Variants in MYCBP2 observed in about 807,000 individuals in gnomAD.
MYCBP2 encodes the protein MYC binding protein 2.
Under a neutral mutation model 525.3 loss-of-function variants are expected in MYCBP2, and 120 were observed. The observed-to-expected ratio is 0.23, with a 90% CI of 0.20 to 0.27. The LOEUF (loss-of-function observed/expected upper bound fraction) is 0.27, where lower values mean the gene tolerates loss of function less well. Among genes scored for constraint, MYCBP2 ranks in the 10% least tolerant of loss-of-function variants. The pLI, the probability that MYCBP2 is intolerant of heterozygous loss-of-function variation, is 1.00. For missense variants in MYCBP2, 4,149 were observed against 5,657.1 expected, an observed-to-expected ratio of 0.73 and a Z score of 8.55; for synonymous variants, 1,894 against 1,955.8, an observed-to-expected ratio of 0.97 and a Z score of 0.83.
intron 15 of MYCBP2, among the ~76,000 whole-genome samples, chr13:77,246,614 AAAG>A (rs760121263): frequency 2.7e-5 from 4 of 150,448 alleles, no homozygotes; most frequent in Non-Finnish European, 5.9e-5. Context: ...GGAGGAGAAG[AAAG>A]AAGAAGGAGA....
chr13:77,188,117 T>G (rs1159127266), intron 30 of MYCBP2, among the ~76,000 whole-genome samples: 3 of 144,336 alleles, frequency 2.1e-5, no homozygotes, highest in Non-Finnish European at 3.0e-5. Context: ...CACACCAAAA[T>G]GTAAATAGTA....
At chr13:77,089,209 C>G (rs1000638441) in intron 60 of MYCBP2, among the ~76,000 whole-genome samples, 178 bp from the exon 61 acceptor site, 1 of 152,046 alleles carries the variant, frequency 6.6e-6, no homozygotes, top group Admixed American at 6.6e-5. Flanking sequence ...ATATGTTACT[C>G]TCTGAAAGTC....
chr13:77,160,313 C>A (rs540888655), intron 44 of MYCBP2, among the ~76,000 whole-genome samples: 1 of 152,086 alleles, frequency 6.6e-6, no homozygotes, highest in Non-Finnish European at 1.5e-5. Flanking sequence ...TGATCGTGGG[C>A]GAACTGCCTA....
At position 77,181,751 on chromosome 13, in the gene MYCBP2, G is replaced by A; in HGVS notation, c.4891C>T (p.Leu1631=). ...KQVSTENDST[L]VHRFPLLVAH... ...ACCAAAAGGGGAAAACGATGAACTA[G>A]TGTTGAGTCGTTCTCTGTACTAACT... Residue 1631 remains leucine, a synonymous_variant, in exon 33 of 83, where the codon CTA becomes TTA. Coordinates refer to ENST00000544440, the MANE Select transcript of MYCBP2 (RefSeq NM_015057.5). 6.2e-7 allele frequency: 1 copy of A among 1,614,114 alleles called. No individual in the cohort carries two copies. The highest frequency in any genetic ancestry group is 8.5e-7 in the Non-Finnish European group (1 of 1,179,992).
At position 77,188,850 on chromosome 13, in the gene MYCBP2, A is replaced by T. The variant is rs574237005; in HGVS notation, c.4251+101T>A. 5 of 677,800 alleles carry T rather than the reference A, an allele frequency of 7.4e-6. No individual in the cohort carries two copies. In the Admixed American group the frequency reaches 1.3e-4, roughly 18 times the overall value. The allele number at this position is 677,800 out of a possible 1,614,324, so 42.0% of individuals were successfully genotyped here. A position where few individuals can be genotyped will look rare whatever the true frequency, so the allele number is the denominator to read the frequency against. On this transcript the variant is annotated intron_variant, in intron 30 of 82. Transcript: ENST00000544440. ...TACAAAACCAAATCTGAGTTTATAA[A>T]TCTAGGCTAAGATAAACTTACAAGA...
chr13:77,283,330 C>G (rs183047146), intron 3 of MYCBP2, among the ~76,000 whole-genome samples: 129 of 152,208 alleles, frequency 8.5e-4, no homozygotes, highest in Admixed American at 1.1e-3. Context: ...CTAACGTGTT[C>G]CACTATATCT....
intron 19 of MYCBP2, 24 bp from the exon 20 acceptor site, chr13:77,224,556 A>G: frequency 7.0e-7 from 1 of 1,422,042 alleles, no homozygotes; most frequent in Non-Finnish European, 9.9e-7. Context: ...ACACAGCTTT[A>G]TTTTTTCATT....
At chr13:77,104,021 T>G (rs1343085444) in intron 55 of MYCBP2, among the ~76,000 whole-genome samples, 1 of 152,064 alleles carries the variant, frequency 6.6e-6, no homozygotes, top group Admixed American at 6.6e-5. Flanking sequence ...TAATTTATCT[T>G]TTTTTGAAGA....
At chr13:77,238,861 T>C (rs1288868888) in intron 17 of MYCBP2, among the ~76,000 whole-genome samples, 1 of 152,226 alleles carries the variant, frequency 6.6e-6, no homozygotes, top group Non-Finnish European at 1.5e-5. Flanking sequence ...CCGAGCGCAG[T>C]GGCTCACACC....
intron 30 of MYCBP2, among the ~76,000 whole-genome samples, chr13:77,187,283 T>C (rs1177760950): frequency 6.6e-6 from 1 of 152,140 alleles, no homozygotes; most frequent in Non-Finnish European, 1.5e-5. Context: ...AATCAAAAGA[T>C]ACCAAACTCA....
intron 14 of MYCBP2, 77 bp downstream of exon 14, chr13:77,257,594 A>C (rs745484913): frequency 3.7e-6 from 5 of 1,369,482 alleles, no homozygotes; most frequent in Non-Finnish European, 4.8e-6. Flanking sequence ...GAAAAGAACA[A>C]GACTTTTCAC....
rs751302974 is a variant in MYCBP2, at chr13:77,140,153, A to G, written c.7412T>C (p.Phe2471Ser). The G allele has an allele frequency of 5.0e-6, 8 of 1,598,588 alleles. No homozygotes were observed. The highest frequency in any genetic ancestry group is 3.4e-5 in the South Asian group (3 of 87,498). Residue 2471 changes from phenylalanine (F) to serine (S), a missense_variant, in exon 51 of 83, where the codon TTT becomes TCT. This residue lies in a region of MYCBP2 where 692 missense variants were observed against 852.7 expected (regional missense o/e 0.81). Coordinates refer to ENST00000544440, the MANE Select transcript of MYCBP2 (RefSeq NM_015057.5). ...AAGCCCCGCACTGTCCTTGGCCACAAATTTTCGAACCTGAGAAAGGCAAAG... is the reference window on the plus strand; with the variant it reads ...AAGCCCCGCACTGTCCTTGGCCACAGATTTTCGAACCTGAGAAAGGCAAAG... ...SEPQPNKVRK[F>S]VAKDSAGLRI...
At chr13:77,289,838 A>G (rs1215815013) in intron 2 of MYCBP2, among the ~76,000 whole-genome samples, 1 of 152,208 alleles carries the variant, frequency 6.6e-6, no homozygotes, top group African/African-American at 2.4e-5. Context: ...ATTTAACAAA[A>G]TCACAGGATA....
At position 77,270,448 on chromosome 13, in the gene MYCBP2, T is replaced by C; in HGVS notation, c.1036A>G (p.Lys346Glu). Residue 346 changes from lysine to glutamate, a missense_variant, in exon 6 of 83, where the codon AAG becomes GAG. Around this residue, in one of 21 missense-constraint regions of MYCBP2, gnomAD observed 413 missense variants for 451.2 expected, o/e 0.92. Transcript: ENST00000544440. The stretch of plus-strand genomic sequence containing the variant: ...CACTTGTGCATTAAAGCTGCTTTCT[T>C]AATGCCATTACTAAACCAGTCCTGA... The part of the protein sequence containing the change: ...QIQDWFSNGI[K>E]KAALMHKWPL... The C allele has an allele frequency of 1.9e-6, 3 of 1,613,808 alleles. No individual in the cohort carries two copies. Among genetic ancestry groups the C allele is most frequent in the Non-Finnish European group, 2.5e-6 (3 of 1,179,840 alleles).
At chr13:77,293,280 G>A (rs2077691196) in intron 2 of MYCBP2, among the ~76,000 whole-genome samples, 1 of 152,132 alleles carries the variant, frequency 6.6e-6, no homozygotes, top group Non-Finnish European at 1.5e-5. Context: ...CAGAAGAAAA[G>A]AGAACTATTT....
chr13:77,102,395 GTAAT>G (rs2047204857), intron 55 of MYCBP2, among the ~76,000 whole-genome samples: 1 of 151,436 alleles, frequency 6.6e-6, no homozygotes, highest in Admixed American at 6.6e-5. Context: ...AAGAAAATCA[GTAAT>G]TAGTTGAAAA....
At chr13:77,154,848 G>T (rs1329632639) in intron 46 of MYCBP2, among the ~76,000 whole-genome samples, 1 of 151,688 alleles carries the variant, frequency 6.6e-6, no homozygotes, top group Non-Finnish European at 1.5e-5. Flanking sequence ...GATGCTTTTT[G>T]CATTGTATAG....
chr13:77,257,052 T>TA (rs1224104581), intron 14 of MYCBP2, among the ~76,000 whole-genome samples: 1 of 152,002 alleles, frequency 6.6e-6, no homozygotes, highest in Non-Finnish European at 1.5e-5. Context: ...TATTTAACCA[T>TA]AAAAAACACT....
chr13:77,082,855 TTAAC>T (rs2066543688), intron 63 of MYCBP2, among the ~76,000 whole-genome samples, 173 bp downstream of exon 63: 1 of 152,082 alleles, frequency 6.6e-6, no homozygotes, highest in South Asian at 2.1e-4. Flanking sequence ...CAAACAAATG[TTAAC>T]TAAGAGGAAG....
Sources: gnomAD v4.1 joint callset for allele counts (sites outside exome capture counted in the v4.1 genomes callset) on GRCh38, gnomAD v4.1.1 for gene constraint, gnomAD v4.1.1 regional missense constraint, MANE v1.5 for transcripts, NCBI Gene and HGNC (gene_info 2026-07-23, HGNC 2026-07-21) for gene names.